The following GPR3 variants were observed in gnomAD, a reference collection of about 807,000 sequenced individuals.
GPR3 encodes G protein-coupled receptor 3.
A neutral mutation model predicts 18.2 loss-of-function variants in GPR3; 16 were observed. That is an observed-to-expected ratio of 0.88 (90% CI 0.60 to 1.34). The LOEUF is 1.34. Ranked by LOEUF, GPR3 falls within the 40% of genes most tolerant of loss-of-function variation. GPR3 has a pLI of 0.00. For synonymous variants in GPR3, 183 were observed against 188.9 expected (o/e 0.97, Z 0.26); for missense variants, 326 against 427.6 (o/e 0.76, Z 2.10).
rs866558624 is a variant in GPR3 at position 27,394,098 on chromosome 1, C to T, written c.300C>T (p.Val100=). 21 of 1,611,566 alleles carry T rather than the reference C, an allele frequency of 1.3e-5. No homozygotes were observed. In the Middle Eastern group the frequency reaches 3.3e-3, roughly 253 times the overall value. Residue 100 remains valine (V), a synonymous_variant, in exon 2 of 2, where the codon GTC becomes GTT. Transcript: ENST00000374024. ...GCCTGGTCCTGCACTTTGCTGCTGT[C>T]TTCTGCATCGGCTCAGCGGAGATGA... ...GLGLVLHFAA[V]FCIGSAEMSL...
rs772059351 is a variant in GPR3, at chr1:27,393,778, G to A, written c.-5-16G>A. ...ACCCAGCTTGGTCAGCTTCTCACAAGGCCTTTCTCCTGCAGGTACCATGAT... is the reference window on the plus strand; with the variant it reads ...ACCCAGCTTGGTCAGCTTCTCACAAAGCCTTTCTCCTGCAGGTACCATGAT... On this transcript the variant is annotated splice_polypyrimidine_tract_variant and intron_variant, in intron 1 of 1. Coordinates refer to ENST00000374024, the MANE Select transcript of GPR3 (RefSeq NM_005281.4). 6.6e-6 allele frequency: 10 copies of A among 1,519,234 alleles called. No individual in the cohort carries two copies. In the South Asian group the frequency reaches 1.2e-4, roughly 18 times the overall value. 94.1% of individuals were successfully genotyped at this position (1,519,234 alleles called of 1,614,324 possible).
At position 27,394,083 on chromosome 1, in the gene GPR3, G is replaced by T. The variant is rs1388139608; in HGVS notation, c.285G>T (p.Leu95=). 1.2e-6 allele frequency: 2 copies of T among 1,610,940 alleles called. No individual in the cohort carries two copies. The highest frequency in any genetic ancestry group is 2.2e-5 in the South Asian group (2 of 91,090). Residue 95 remains leucine (L), a synonymous_variant, in exon 2 of 2, where the codon CTG becomes CTT. Transcript: ENST00000374024. ...ADLLAGLGLV[L]HFAAVFCIGS... ...TGCTGGCAGGCCTGGGCCTGGTCCT[G>T]CACTTTGCTGCTGTCTTCTGCATCG...
In GPR3 at chr1:27,394,765, C is replaced by T. The variant is rs1039925845; in HGVS notation, c.967C>T (p.Arg323Ter). The change falls in exon 2 of 2, where the codon CGA (arginine) becomes TGA (stop). Residue 323 changes from arginine to a stop codon, truncating the protein, a stop_gained. Transcript: ENST00000374024. LOFTEE classifies it high-confidence loss of function. Reference protein sequence around the residue: ...CCCSSSKIPFRSRSPSDV With the variant: ...CCCSSSKIPF ...CTGTTCCTCTTCCAAGATCCCCTTC[C>T]GATCCCGCTCCCCCAGTGATGTCTA... The T allele has an allele frequency of 9.3e-6, 15 of 1,613,938 alleles. No individual in the cohort carries two copies. The highest frequency in any genetic ancestry group is 4.5e-5 in the East Asian group (2 of 44,892).
intron 1 of GPR3, 89 bp from the exon 2 acceptor site, chr1:27,393,705 C>G (rs1378184988): frequency 9.1e-7 from 1 of 1,098,748 alleles, no homozygotes; most frequent in East Asian, 2.4e-5. Flanking sequence ...AGACTCCCAC[C>G]ACGTATCCTG....
chr1:27,393,682 G>A, intron 1 of GPR3, 112 bp from the exon 2 acceptor site: 1 of 885,188 alleles, frequency 1.1e-6, no homozygotes, highest in South Asian at 1.6e-5. Flanking sequence ...ACCCTATCAG[G>A]TATCCTGAGG....
In GPR3 at chr1:27,394,520, C is replaced by T. The variant is rs749718150; in HGVS notation, c.722C>T (p.Ala241Val). ...RHLLPASHYVATRKGIATLAV... is the reference protein window; with the variant it reads ...RHLLPASHYVVTRKGIATLAV... ...CTGCTGCCTGCCTCCCACTATGTGG[C>T]CACCCGCAAGGGCATTGCCACACTG... The change falls in exon 2 of 2, where the codon GCC (alanine) becomes GTC (valine). Residue 241 changes from alanine (A) to valine (V), a missense_variant. Coordinates refer to ENST00000374024, the MANE Select transcript of GPR3 (RefSeq NM_005281.4). 1 of 1,614,196 alleles carries T rather than the reference C, an allele frequency of 6.2e-7. No individual in the cohort carries two copies. The highest frequency in any genetic ancestry group is 2.2e-5 in the East Asian group (1 of 44,878).
At position 27,394,785 on chromosome 1, in the gene GPR3, T is replaced by A. The variant is rs199887450; in HGVS notation, c.987T>A (p.Asp329Glu). Residue 329 changes from aspartate (D) to glutamate (E), a missense_variant, in exon 2 of 2, where the codon GAT becomes GAA. Coordinates refer to ENST00000374024, the MANE Select transcript of GPR3 (RefSeq NM_005281.4). ...CCTTCCGATCCCGCTCCCCCAGTGA[T>A]GTCTAGCTGAGTCTTCATGACCCTT... is the stretch of plus-strand genomic sequence containing the variant. ...KIPFRSRSPS[D>E]V 3 of 1,613,238 alleles carry A rather than the reference T, an allele frequency of 1.9e-6. No homozygotes were observed. The highest frequency in any genetic ancestry group is 1.7e-6 in the Non-Finnish European group (2 of 1,179,464).
chr1:27,394,056 C>G lies in GPR3; in HGVS notation c.258C>G (p.Asp86Glu). The G allele has an allele frequency of 6.2e-7, 1 of 1,611,098 alleles. No individual in the cohort carries two copies. Among genetic ancestry groups the G allele is most frequent in the South Asian group, 1.1e-5 (1 of 91,088 alleles). ...FLLVGSLAVA[D>E]LLAGLGLVLH... The stretch of plus-strand genomic sequence containing the variant: ...TGGTGGGCAGCCTGGCCGTGGCAGA[C>G]CTGCTGGCAGGCCTGGGCCTGGTCC... The change falls in exon 2 of 2, where the codon GAC becomes GAG. Residue 86 changes from aspartate (D) to glutamate (E), a missense_variant. Asp to Glu is a conservative substitution (Grantham distance 45). Coordinates refer to ENST00000374024, the MANE Select transcript of GPR3 (RefSeq NM_005281.4).
rs543071572 is a variant in GPR3 at position 27,395,483 on chromosome 1, A to G, written c.*692A>G. On this transcript the variant is annotated 3_prime_UTR_variant, in exon 2 of 2. Transcript: ENST00000374024. ...CCCTCCTCGGGTTTGGAAGGGGAACACACCAGCCTCTGGTTTTTTATTTTT... is the reference window on the plus strand; with the variant it reads ...CCCTCCTCGGGTTTGGAAGGGGAACGCACCAGCCTCTGGTTTTTTATTTTT... 6.0e-6 allele frequency: 1 copy of G among 167,124 alleles called. No individual in the cohort carries two copies. Among genetic ancestry groups the G allele is most frequent in the South Asian group, 2.1e-4 (1 of 4,828 alleles). The allele number at this position is 167,124 out of a possible 1,614,324, so 10.4% of individuals were successfully genotyped here.
At position 27,395,097 on chromosome 1, in the gene GPR3, A is replaced by C; in HGVS notation, c.*306A>C. 1 of 392,194 alleles carries C rather than the reference A, an allele frequency of 2.5e-6. No individual in the cohort carries two copies. The allele number at this position is 392,194 out of a possible 1,614,324, so 24.3% of individuals were successfully genotyped here. A position where few individuals can be genotyped will look rare whatever the true frequency, so the allele number is the denominator to read the frequency against. ...AGTCCCAGATGTCCCTCTTCCCCCA[A>C]ACTTGACCTTGACCATGTCACTTTA... On this transcript the variant is annotated 3_prime_UTR_variant, in exon 2 of 2. Transcript: ENST00000374024.
At position 27,394,876 on chromosome 1, in the gene GPR3, T is replaced by C; in HGVS notation, c.*85T>C. ...CAGGGCTTCTTTCCAAACCCCCAGC[T>C]CCACACCCCCCAGACCCAGCTGGTT... is the stretch of plus-strand genomic sequence containing the variant. On this transcript the variant is annotated 3_prime_UTR_variant, in exon 2 of 2. Transcript: ENST00000374024. The C allele has an allele frequency of 6.9e-7, 1 of 1,439,182 alleles. No individual in the cohort carries two copies. The highest frequency in any genetic ancestry group is 9.6e-7 in the Non-Finnish European group (1 of 1,044,014). 89.2% of individuals were successfully genotyped at this position (1,439,182 alleles called of 1,614,324 possible). A position where few individuals can be genotyped will look rare whatever the true frequency, so the allele number is the denominator to read the frequency against.
chr1:27,394,192 G>A lies in GPR3; in HGVS notation c.394G>A (p.Val132Ile). The stretch of plus-strand genomic sequence containing the variant: ...CATCGGCAGTCTACTGGCCATCACT[G>A]TCGACCGCTACCTTTCTCTGTACAA... The part of the protein sequence containing the change: ...ASIGSLLAIT[V>I]DRYLSLYNAL... The change falls in exon 2 of 2, where the codon GTC becomes ATC. Residue 132 changes from valine to isoleucine, a missense_variant. By Grantham distance (29) the Val-to-Ile change is conservative. Coordinates refer to ENST00000374024, the MANE Select transcript of GPR3 (RefSeq NM_005281.4). The A allele has an allele frequency of 6.2e-7, 1 of 1,613,946 alleles. No homozygotes were observed. The highest frequency in any genetic ancestry group is 8.5e-7 in the Non-Finnish European group (1 of 1,180,034).
chr1:27,394,188 C>T lies in GPR3; in HGVS notation c.390C>T (p.Ile130=), dbSNP rs763893772. ...CCAGCATCGGCAGTCTACTGGCCAT[C>T]ACTGTCGACCGCTACCTTTCTCTGT... ...FTASIGSLLA[I]TVDRYLSLYN... Residue 130 remains isoleucine (I), a synonymous_variant, in exon 2 of 2, where the codon ATC becomes ATT. Transcript: ENST00000374024. 6 of 1,613,958 alleles carry T rather than the reference C, an allele frequency of 3.7e-6. No individual in the cohort carries two copies. The highest frequency in any genetic ancestry group is 4.2e-6 in the Non-Finnish European group (5 of 1,180,028).
At position 27,394,885 on chromosome 1, in the gene GPR3, C is replaced by G. The variant is rs959920803; in HGVS notation, c.*94C>G. 8.3e-5 allele frequency: 113 copies of G among 1,353,950 alleles called. No homozygotes were observed. The highest frequency in any genetic ancestry group is 1.1e-4 in the Non-Finnish European group (109 of 974,082). 83.9% of individuals were successfully genotyped at this position (1,353,950 alleles called of 1,614,324 possible). ...TTTCCAAACCCCCAGCTCCACACCC[C>G]CCAGACCCAGCTGGTTCTGGAGTTC... On this transcript the variant is annotated 3_prime_UTR_variant, in exon 2 of 2. Transcript: ENST00000374024.
In GPR3 at chr1:27,393,745, C is replaced by A. The variant is rs142281217; in HGVS notation, c.-5-49C>A. 3.3e-6 allele frequency: 5 copies of A among 1,496,444 alleles called. No homozygotes were observed. In the East Asian group the frequency reaches 1.1e-4, roughly 34 times the overall value. The allele number at this position is 1,496,444 out of a possible 1,614,324, so 92.7% of individuals were successfully genotyped here. On this transcript the variant is annotated intron_variant, in intron 1 of 1. Coordinates refer to ENST00000374024, the MANE Select transcript of GPR3 (RefSeq NM_005281.4). ...GCACCTCACCCCCTCCAGACCCCAA[C>A]TCCCATCACCCAGCTTGGTCAGCTT...
Position 27,395,098 on chromosome 1 carries a change from A to T in GPR3, c.*307A>T. The T allele has an allele frequency of 2.6e-6, 1 of 387,072 alleles. No homozygotes were observed. Among genetic ancestry groups the T allele is most frequent in the East Asian group, 4.6e-5 (1 of 21,554 alleles). The allele number at this position is 387,072 out of a possible 1,614,324, so 24.0% of individuals were successfully genotyped here. On this transcript the variant is annotated 3_prime_UTR_variant, in exon 2 of 2. Coordinates refer to ENST00000374024, the MANE Select transcript of GPR3 (RefSeq NM_005281.4). ...GTCCCAGATGTCCCTCTTCCCCCAA[A>T]CTTGACCTTGACCATGTCACTTTAT...
At chr1:27,392,834 G>A (rs990690419) in intron 1 of GPR3, 97 bp downstream of exon 1, 2 of 152,388 alleles carry the variant, frequency 1.3e-5, no homozygotes, top group Non-Finnish European at 2.9e-5. Context: ...GGCCGGCCGG[G>A]GTTCGAGTTC....
chr1:27,393,939 C>T lies in GPR3; in HGVS notation c.141C>T (p.Leu47=). Reference sequence around the variant, plus strand: ...CGCCTAAGGCCTGGGATGTGGTGCTCTGCATCTCAGGCACCCTGGTGTCCT... The same window carrying T: ...CGCCTAAGGCCTGGGATGTGGTGCTTTGCATCTCAGGCACCCTGGTGTCCT... ...LPSPKAWDVV[L]CISGTLVSCE... The change falls in exon 2 of 2, where the codon CTC becomes CTT. Residue 47 remains leucine, a synonymous_variant. Transcript: ENST00000374024. The T allele has an allele frequency of 6.2e-7, 1 of 1,611,508 alleles. No individual in the cohort carries two copies. The highest frequency in any genetic ancestry group is 1.1e-5 in the South Asian group (1 of 91,060).
Position 27,394,570 on chromosome 1 carries a change from G to A in GPR3, c.772G>A (p.Ala258Thr), listed in dbSNP as rs369420552. The A allele has an allele frequency of 2.1e-5, 34 of 1,614,024 alleles. No homozygotes were observed. Among genetic ancestry groups the A allele is most frequent in the East Asian group, 4.5e-5 (2 of 44,894 alleles). Reference sequence around the variant, plus strand: ...GGCCGTGGTGCTTGGAGCCTTTGCCGCCTGCTGGTTGCCCTTCACTGTCTA... The same window carrying A: ...GGCCGTGGTGCTTGGAGCCTTTGCCACCTGCTGGTTGCCCTTCACTGTCTA... ...TLAVVLGAFA[A>T]CWLPFTVYCL... Residue 258 changes from alanine (A) to threonine (T), a missense_variant, in exon 2 of 2, where the codon GCC (alanine) becomes ACC (threonine). By Grantham distance (58) the Ala-to-Thr change is moderately conservative. Coordinates refer to ENST00000374024, the MANE Select transcript of GPR3 (RefSeq NM_005281.4).
Sources: allele counts gnomAD v4.1 joint callset, GRCh38; gene constraint gnomAD v4.1.1; transcripts MANE v1.5; gene names NCBI Gene and HGNC (gene_info 2026-07-23, HGNC 2026-07-21).